Variants in TDRD9 observed in about 807,000 individuals in gnomAD.
TDRD9 encodes ATP-dependent RNA helicase TDRD9.
A neutral mutation model predicts 172.6 loss-of-function variants in TDRD9; 124 were observed. That is an observed-to-expected ratio of 0.72 (90% CI 0.62 to 0.83). The LOEUF (loss-of-function observed/expected upper bound fraction) is 0.83. Among genes scored for constraint, TDRD9 ranks in the 40% least tolerant of loss-of-function variants. The probability of loss-of-function intolerance (pLI) is 0.00; values close to 1 mark genes in which losing one functional copy is unlikely to be tolerated. For synonymous variants in TDRD9, 619 were observed against 617.1 expected (o/e 1.00, Z -0.05); for missense variants, 1,479 against 1,714.1 (o/e 0.86, Z 2.42).
At chr14:103,934,368 T>C (rs1429449358) in intron 1 of TDRD9, among the ~76,000 whole-genome samples, 1 of 152,196 alleles carries the variant, frequency 6.6e-6, no homozygotes, top group Non-Finnish European at 1.5e-5. Flanking sequence ...TATTCAGTAA[T>C]TTTCCCATTG....
rs1250709314 is a variant in TDRD9 at position 103,965,424 on chromosome 14, AC to A, written c.514del (p.His172ThrfsTer19). 3.2e-6 allele frequency: 5 copies of A among 1,551,478 alleles called. No individual in the cohort carries two copies. Among genetic ancestry groups the A allele is most frequent in the Non-Finnish European group, 4.4e-6 (5 of 1,146,990 alleles). On this transcript the variant is annotated frameshift_variant, in exon 4 of 36. Transcript: ENST00000409874. LOFTEE classifies it high-confidence loss of function. ...KSTQLPQYIL[D>X]HYVQRSAYCS... ...ACTCAGCTCCCGCAGTATATCTTGG[AC>A]CACTACGTTCAGCGCTCCGCCTACT...
chr14:104,002,224 G>C (rs774217749), intron 13 of TDRD9, among the ~76,000 whole-genome samples: 3 of 151,474 alleles, frequency 2.0e-5, no homozygotes, highest in Non-Finnish European at 4.4e-5. Flanking sequence ...GTAGGGTGAG[G>C]TGGGAGGATA....
intron 1 of TDRD9, among the ~76,000 whole-genome samples, chr14:103,949,968 G>T (rs1208253133): frequency 7.0e-6 from 1 of 142,838 alleles, no homozygotes; most frequent in Non-Finnish European, 1.5e-5. Flanking sequence ...GAGCCACCAT[G>T]CCCGGCCAGC....
chr14:104,025,668 G>A lies in TDRD9; in HGVS notation c.2823G>A (p.Leu941=). The A allele has an allele frequency of 6.2e-7, 1 of 1,613,950 alleles. No individual in the cohort carries two copies. Residue 941 remains leucine (L), a synonymous_variant, in exon 26 of 36, where the codon TTG becomes TTA. Coordinates refer to ENST00000409874, the MANE Select transcript of TDRD9 (RefSeq NM_153046.3). ...AEINQLTLVP[L]PTHPHPDLVC... ...TCAACCAACTGACGCTGGTGCCCTT[G>A]CCCACTCACCCACATCCAGACTTGG...
chr14:104,016,237 T>G, intron 22 of TDRD9, 149 bp downstream of exon 22: 1 of 590,314 alleles, frequency 1.7e-6, no homozygotes, highest in Non-Finnish European at 3.0e-6. Flanking sequence ...GTATCTAGGC[T>G]TGTTTGGCCT....
chr14:104,045,662 T>G (rs2035750616), intron 34 of TDRD9, among the ~76,000 whole-genome samples: 2 of 152,222 alleles, frequency 1.3e-5, no homozygotes, highest in South Asian at 4.1e-4. Flanking sequence ...GCAACAGTGT[T>G]GGAAGGCTGG....
intron 1 of TDRD9, among the ~76,000 whole-genome samples, chr14:103,935,910 T>C (rs2030732429): frequency 6.6e-6 from 1 of 152,168 alleles, no homozygotes; most frequent in Non-Finnish European, 1.5e-5. Flanking sequence ...CTTGGTGCAG[T>C]ACCTGACATA....
rs953758869 is a variant in TDRD9, at chr14:104,031,194, C to T, written c.3369C>T (p.Asp1123=). 15 of 1,551,570 alleles carry T rather than the reference C, an allele frequency of 9.7e-6. No individual in the cohort carries two copies. Among genetic ancestry groups the T allele is most frequent in the African/African-American group, 6.8e-5 (5 of 73,016 alleles). ...CTGTGCCCTTTCCCATGAAAGACGA[C>T]GAGAAATATCTCATCCGGATTTTGT... ...DGSVPFPMKD[D]EKYLIRILLE... is the part of the protein sequence containing the mutation. The change falls in exon 29 of 36, where the codon GAC becomes GAT. Residue 1123 remains aspartate, a synonymous_variant. Transcript: ENST00000409874.
At chr14:103,967,741 G>C (rs1190999657) in intron 5 of TDRD9, among the ~76,000 whole-genome samples, 6 of 152,084 alleles carry the variant, frequency 3.9e-5, no homozygotes, top group African/African-American at 1.4e-4. Flanking sequence ...ATGATCTACT[G>C]TTTCTTACAA....
intron 1 of TDRD9, among the ~76,000 whole-genome samples, chr14:103,955,181 T>C (rs1398669286): frequency 6.6e-6 from 1 of 152,156 alleles, no homozygotes; most frequent in African/African-American, 2.4e-5. Context: ...CGCCTTGGCC[T>C]CCCAAAGTGC....
intron 24 of TDRD9, among the ~76,000 whole-genome samples, chr14:104,023,574 G>A (rs1479650022): frequency 6.6e-6 from 1 of 152,242 alleles, no homozygotes; most frequent in Non-Finnish European, 1.5e-5. Flanking sequence ...TCATAACCCT[G>A]GTGGATCTTC....
At chr14:103,959,105 G>A (rs1252363178) in intron 2 of TDRD9, among the ~76,000 whole-genome samples, 1 of 152,162 alleles carries the variant, frequency 6.6e-6, no homozygotes, top group Non-Finnish European at 1.5e-5. Context: ...GACCTGAGGA[G>A]AATTGGAGGC....
intron 6 of TDRD9, among the ~76,000 whole-genome samples, chr14:103,974,377 G>A (rs1472948914): frequency 1.3e-5 from 2 of 152,094 alleles, no homozygotes; most frequent in African/African-American, 2.4e-5. Context: ...GGCACGTCTC[G>A]GGCTGTATGC....
intron 1 of TDRD9, among the ~76,000 whole-genome samples, chr14:103,938,672 T>C (rs111980170): frequency 0.023 from 3,457 of 151,524 alleles, 77 homozygotes; most frequent in East Asian, 0.07. Context: ...CTCTTGACCT[T>C]GTGATTCGCC....
At position 103,982,884 on chromosome 14, in the gene TDRD9, A is replaced by G. The variant is rs2033529790; in HGVS notation, c.1012-3333A>G. Among the ~76,000 whole-genome samples, 5 of 152,172 alleles carry G rather than the reference A, an allele frequency of 3.3e-5. No individual in the cohort carries two copies. The South Asian group carries it at 1.0e-3, about 31-fold the overall frequency. Reference sequence around the variant, plus strand: ...CCCTTGCACTCCAGCCTGGACAACAAGAGCGAAACTCCGTTTCAAAAAACA... The same window carrying G: ...CCCTTGCACTCCAGCCTGGACAACAGGAGCGAAACTCCGTTTCAAAAAACA... On this transcript the variant is annotated intron_variant, in intron 7 of 35. Transcript: ENST00000409874.
At chr14:104,027,575 T>C (rs1335230166) in intron 28 of TDRD9, among the ~76,000 whole-genome samples, 2 of 152,214 alleles carry the variant, frequency 1.3e-5, no homozygotes, top group Non-Finnish European at 2.9e-5. Flanking sequence ...CTTTTTTAGT[T>C]GCCACATAAT....
Position 104,006,667 on chromosome 14 carries a change from A to AT in TDRD9, c.1908dup (p.Ala637CysfsTer12). The AT allele has an allele frequency of 1.2e-6, 2 of 1,613,838 alleles. No homozygotes were observed. Among genetic ancestry groups the AT allele is most frequent in the Non-Finnish European group, 1.7e-6 (2 of 1,179,824 alleles). On this transcript the variant is annotated frameshift_variant, in exon 17 of 36. Transcript: ENST00000409874. LOFTEE classifies it high-confidence loss of function. ...TTAGCGGCAGCTCTTTCTTTGAAGA[A>AT]TTTTTTTGCAATGCCTTTCCGGCAG...
At chr14:104,036,840 TGC>T (rs2035463280) in intron 32 of TDRD9, among the ~76,000 whole-genome samples, 1 of 152,210 alleles carries the variant, frequency 6.6e-6, no homozygotes, top group Non-Finnish European at 1.5e-5. Context: ...TGTGACAGTG[TGC>T]GTAAGACTAG....
At chr14:104,019,794 A>T (rs2034899130) in intron 23 of TDRD9, among the ~76,000 whole-genome samples, 1 of 152,314 alleles carries the variant, frequency 6.6e-6, no homozygotes, top group South Asian at 2.1e-4. Context: ...TGGAGAGTCA[A>T]ATTAGTTTCA....
Sources: gnomAD v4.1 joint callset for allele counts (sites outside exome capture counted in the v4.1 genomes callset) on GRCh38, gnomAD v4.1.1 for gene constraint, MANE v1.5 for transcripts, NCBI Gene and HGNC (gene_info 2026-07-23, HGNC 2026-07-21) for gene names.